EXT1: variants seen among roughly 807,000 people sequenced by gnomAD.
EXT1 encodes the protein exostosin glycosyltransferase 1.
In EXT1, 20 loss-of-function variants were observed where a neutral mutation model predicts 82.5. The observed-to-expected ratio is 0.24, with a 90% CI of 0.17 to 0.35. EXT1 has a LOEUF of 0.35. Ranked by LOEUF, EXT1 falls within the 10% of genes least tolerant of loss-of-function variation. The pLI is 1.00. For synonymous variants in EXT1, 348 were observed against 350.8 expected (o/e 0.99, Z 0.09); for missense variants, 757 against 936.5 (o/e 0.81, Z 2.50).
chr8:118,032,121 T>TG (rs1359305946), intron 1 of EXT1, among the ~76,000 whole-genome samples: 180 of 139,558 alleles, frequency 1.3e-3, no homozygotes, highest in African/African-American at 3.5e-3. Context: ...TTTTGGCCAT[T>TG]ACTCAATGGC....
At chr8:118,096,214 G>GT (rs1334303242) in intron 1 of EXT1, among the ~76,000 whole-genome samples, 4 of 152,094 alleles carry the variant, frequency 2.6e-5, no homozygotes, top group Non-Finnish European at 4.4e-5. Context: ...AGATCATAAT[G>GT]TTTTTTCCTG....
intron 1 of EXT1, among the ~76,000 whole-genome samples, chr8:118,037,103 C>T (rs769933200): frequency 1.3e-5 from 2 of 152,156 alleles, no homozygotes; most frequent in African/African-American, 2.4e-5. Context: ...ATTTCAATTC[C>T]TATGTCCATG....
chr8:117,804,667 C>A, intron 10 of EXT1, 55 bp downstream of exon 10: 1 of 1,604,892 alleles, frequency 6.2e-7, no homozygotes, highest in Non-Finnish European at 8.5e-7. Flanking sequence ...TCCTCATTAC[C>A]TGGGGCTGAA....
intron 1 of EXT1, among the ~76,000 whole-genome samples, chr8:118,071,066 A>T (rs1256262911): frequency 6.6e-6 from 1 of 152,198 alleles, no homozygotes. Context: ...TGTAGTAAAC[A>T]TAGTTAAGCT....
chr8:117,869,319 A>C (rs1355190064), intron 1 of EXT1, among the ~76,000 whole-genome samples: 1 of 152,188 alleles, frequency 6.6e-6, no homozygotes, highest in Admixed American at 6.5e-5. Context: ...ATAGTGATTT[A>C]TTTGTTTGGC....
chr8:117,992,141 C>A (rs1178763917), intron 1 of EXT1, among the ~76,000 whole-genome samples: 1 of 152,096 alleles, frequency 6.6e-6, no homozygotes. Context: ...CCCACAGGGG[C>A]TCCTCCTTTC....
chr8:118,007,863 A>G (rs1389943341), intron 1 of EXT1, among the ~76,000 whole-genome samples: 2 of 152,164 alleles, frequency 1.3e-5, no homozygotes, highest in African/African-American at 4.8e-5. Flanking sequence ...TTTGCCCTAT[A>G]ATTTCTAGAA....
chr8:117,959,802 T>C (rs1466254770), intron 1 of EXT1, among the ~76,000 whole-genome samples: 1 of 152,258 alleles, frequency 6.6e-6, no homozygotes, highest in African/African-American at 2.4e-5. Context: ...CCTAAGTTCA[T>C]AATCCACTTC....
intron 1 of EXT1, among the ~76,000 whole-genome samples, chr8:117,979,622 TCAGTTCCCCTCCA>T (rs946038691): frequency 4.0e-5 from 6 of 151,874 alleles, no homozygotes; most frequent in Non-Finnish European, 7.4e-5. Context: ...CATGAAAAAG[TCAGTTCCCCTCCA>T]CATTTTAGTA....
intron 1 of EXT1, among the ~76,000 whole-genome samples, chr8:118,019,029 T>C (rs1458328106): frequency 1.3e-5 from 2 of 151,528 alleles, no homozygotes; most frequent in Non-Finnish European, 2.9e-5. Flanking sequence ...ACTGCACCTA[T>C]CATGGCAAAG....
At chr8:118,029,789 T>C (rs1816275138) in intron 1 of EXT1, among the ~76,000 whole-genome samples, 1 of 152,196 alleles carries the variant, frequency 6.6e-6, no homozygotes, top group Admixed American at 6.5e-5. Context: ...AAATGCCACT[T>C]TGTACTAGCT....
At chr8:118,068,880 T>A (rs555766731) in intron 1 of EXT1, among the ~76,000 whole-genome samples, 39 of 152,338 alleles carry the variant, frequency 2.6e-4, no homozygotes, top group Non-Finnish European at 3.1e-4. Flanking sequence ...ACCATTGCTG[T>A]TGTGTTACTG....
In EXT1 at chr8:117,799,660, C is replaced by G; in HGVS notation, c.*52G>C. 3 of 1,595,664 alleles carry G rather than the reference C, an allele frequency of 1.9e-6. No individual in the cohort carries two copies. The highest frequency in any genetic ancestry group is 2.6e-6 in the Non-Finnish European group (3 of 1,163,644). ...GTGGATCTGCACTGGGAAGAGAGAG[C>G]AGCTTGACCCCCATCCCTTCTTGCT... On this transcript the variant is annotated 3_prime_UTR_variant, in exon 11 of 11. Coordinates refer to ENST00000378204, the MANE Select transcript of EXT1 (RefSeq NM_000127.3).
chr8:117,899,071 A>G (rs1269830860), intron 1 of EXT1, among the ~76,000 whole-genome samples: 1 of 152,212 alleles, frequency 6.6e-6, no homozygotes, highest in East Asian at 1.9e-4. Context: ...ATAAAGGGCC[A>G]TTTACTCTCC....
intron 1 of EXT1, among the ~76,000 whole-genome samples, chr8:117,966,738 T>A (rs567835850): frequency 5.4e-4 from 83 of 152,308 alleles, no homozygotes; most frequent in Middle Eastern, 6.8e-3. Flanking sequence ...TAAAAATAAT[T>A]CTTTAAGACT....
intron 1 of EXT1, among the ~76,000 whole-genome samples, chr8:117,928,398 C>T (rs1321649166): frequency 1.3e-5 from 2 of 152,142 alleles, no homozygotes; most frequent in South Asian, 2.1e-4. Context: ...TACATATGCA[C>T]GAGCAAATAC....
At chr8:118,003,272 G>A (rs541897429) in intron 1 of EXT1, among the ~76,000 whole-genome samples, 14 of 151,936 alleles carry the variant, frequency 9.2e-5, no homozygotes, top group Non-Finnish European at 1.9e-4. Context: ...AGAGGGATGA[G>A]GAATAAAAGA....
At chr8:117,922,905 G>C (rs1348301401) in intron 1 of EXT1, among the ~76,000 whole-genome samples, 1 of 152,200 alleles carries the variant, frequency 6.6e-6, no homozygotes, top group Non-Finnish European at 1.5e-5. Context: ...ATGGGCTAAA[G>C]AGGCAACCCT....
intron 1 of EXT1, among the ~76,000 whole-genome samples, chr8:117,937,804 G>A (rs1194240505): frequency 7.9e-5 from 12 of 152,122 alleles, no homozygotes; most frequent in Admixed American, 7.9e-4. Context: ...GAATGTGTGT[G>A]TGTACACACA....
Sources: allele counts gnomAD v4.1 joint callset (sites outside exome capture counted in the v4.1 genomes callset), GRCh38; gene constraint gnomAD v4.1.1; transcripts MANE v1.5; gene names NCBI Gene and HGNC (gene_info 2026-07-23, HGNC 2026-07-21).